Variants in BRD2 observed in about 807,000 individuals in gnomAD.
The protein encoded by BRD2 is bromodomain containing 2.
Under a neutral mutation model 79.1 loss-of-function variants are expected in BRD2, and 15 were observed. That is an observed-to-expected ratio of 0.19 (90% CI 0.13 to 0.29). The LOEUF (loss-of-function observed/expected upper bound fraction) is 0.29, where lower values mean the gene tolerates loss of function less well. BRD2 is among the 10% of genes least tolerant of loss of function. The pLI, the probability that BRD2 is intolerant of heterozygous loss-of-function variation, is 1.00. For missense variants in BRD2, 1,053 were observed against 991.3 expected (o/e 1.06, Z -0.84); for synonymous variants, 488 against 358.6 (o/e 1.36, Z -4.08).
In BRD2 at chr6:32,976,898, G is replaced by T. The variant is rs1261612736; in HGVS notation, c.1162G>T (p.Asp388Tyr). 8 of 1,612,788 alleles carry T rather than the reference G, an allele frequency of 5.0e-6. No individual in the cohort carries two copies. The highest frequency in any genetic ancestry group is 6.8e-6 in the Non-Finnish European group (8 of 1,179,926). The change falls in exon 7 of 13, where the codon GAC (aspartate) becomes TAC (tyrosine). Residue 388 changes from aspartate (D) to tyrosine (Y), a missense_variant. Physicochemically the swap from Asp to Tyr is radical, Grantham distance 160. This residue lies in a region of BRD2 where 454 missense variants were observed against 430.5 expected (regional missense o/e 1.05). Transcript: ENST00000374825. ...TGCACTTGGCCTGCATGACTACCATGACATCATTAAGCACCCCATGGACCT... is the reference window on the plus strand; with the variant it reads ...TGCACTTGGCCTGCATGACTACCATTACATCATTAAGCACCCCATGGACCT... ...ASALGLHDYH[D>Y]IIKHPMDLST...
At chr6:32,980,540 A>G in intron 12 of BRD2, 42 bp from the exon 13 acceptor site, 2 of 1,612,606 alleles carry the variant, frequency 1.2e-6, no homozygotes, top group South Asian at 1.1e-5. Context: ...ACAAATGAAG[A>G]TTCAGACTTG....
chr6:32,971,874 T>G lies in BRD2; in HGVS notation c.-1025T>G. The G allele has an allele frequency of 1.4e-6, 1 of 702,022 alleles. No homozygotes were observed. The highest frequency in any genetic ancestry group is 2.6e-6 in the Non-Finnish European group (1 of 384,576). 43.5% of individuals were successfully genotyped at this position (702,022 alleles called of 1,614,324 possible). The stretch of plus-strand genomic sequence containing the variant: ...TCCGCACCTCTTCCAACCACCCTCT[T>G]TCCCTGGAGTCGGCGGACCACAGCT... On this transcript the variant is annotated 5_prime_UTR_variant, in exon 2 of 13. Transcript: ENST00000374825.
Position 32,976,680 on chromosome 6 carries a change from CT to C in BRD2, c.945del (p.Met316CysfsTer35). 1 of 1,613,126 alleles carries C rather than the reference CT, an allele frequency of 6.2e-7. No individual in the cohort carries two copies. The highest frequency in any genetic ancestry group is 8.5e-7 in the Non-Finnish European group (1 of 1,180,036). On this transcript the variant is annotated frameshift_variant, in exon 7 of 13. Coordinates refer to ENST00000374825, the MANE Select transcript of BRD2 (RefSeq NM_005104.4). LOFTEE classifies it high-confidence loss of function. ...GAGCCTAAGGCAGCACGGCTTCCCC[CT>C]ATGCGTAGAGAGAGTGGTCGCCCCA... is the stretch of plus-strand genomic sequence containing the variant. ...SLEPKAARLP[P>X]MRRESGRPIK...
rs779706920 is a variant in BRD2, at chr6:32,976,641, C to T, written c.905C>T (p.Pro302Leu). The change falls in exon 7 of 13, where the codon CCT (proline) becomes CTT (leucine). Residue 302 changes from proline (P) to leucine (L), a missense_variant. Transcript: ENST00000374825. ...AILAPGSPAS[P>L]PGSLEPKAAR... ...TTGGCTCCTGGTTCTCCAGCTAGCC[C>T]TCCTGGGAGTCTTGAGCCTAAGGCA... 29 of 1,612,450 alleles carry T rather than the reference C, an allele frequency of 1.8e-5. No individual in the cohort carries two copies. Among genetic ancestry groups the T allele is most frequent in the Non-Finnish European group, 2.3e-5 (27 of 1,179,992 alleles).
Position 32,980,477 on chromosome 6 carries a change from T to C in BRD2, c.2269+13T>C. ...CCCCCCAAGAAAGGTGAGTATATACTTTCATGCCACTACAGATTGACTCCA... is the reference window on the plus strand; with the variant it reads ...CCCCCCAAGAAAGGTGAGTATATACCTTCATGCCACTACAGATTGACTCCA... On this transcript the variant is annotated intron_variant, in intron 12 of 12. Transcript: ENST00000374825. 1.2e-6 allele frequency: 2 copies of C among 1,612,980 alleles called. No homozygotes were observed. The highest frequency in any genetic ancestry group is 1.7e-6 in the Non-Finnish European group (2 of 1,179,984).
In BRD2 at chr6:32,980,676, CTCGTCG is replaced by C; in HGVS notation, c.2370_2375del (p.Ser792_Ser793del). The C allele has an allele frequency of 1.2e-6, 2 of 1,613,142 alleles. No individual in the cohort carries two copies. Among genetic ancestry groups the C allele is most frequent in the Non-Finnish European group, 8.5e-7 (1 of 1,180,038 alleles). ...GCTCAGATTCCAGCTCCTCCTCTTC[CTCGTCG>C]TCGTCTTCAGACACCAGTGATTCAG... is the stretch of plus-strand genomic sequence containing the variant. On this transcript the variant is annotated inframe_deletion, in exon 13 of 13. Coordinates refer to ENST00000374825, the MANE Select transcript of BRD2 (RefSeq NM_005104.4).
At chr6:32,977,669 C>T in intron 8 of BRD2, 88 bp from the exon 9 acceptor site, 3 of 1,602,754 alleles carry the variant, frequency 1.9e-6, no homozygotes, top group Non-Finnish European at 2.6e-6. Flanking sequence ...CTGTTCTGTA[C>T]AGTTGTAAAT....
At position 32,972,656 on chromosome 6, in the gene BRD2, C is replaced by G. The variant is rs941116998; in HGVS notation, c.-243C>G. On this transcript the variant is annotated 5_prime_UTR_variant, in exon 2 of 13. Coordinates refer to ENST00000374825, the MANE Select transcript of BRD2 (RefSeq NM_005104.4). The stretch of plus-strand genomic sequence containing the variant: ...GTCCCTCCTTAGTTGCCCGCCTCAG[C>G]TGAGGCCGCCGCCATTTTCTTGCTG... The G allele has an allele frequency of 9.8e-6, 6 of 611,184 alleles. No individual in the cohort carries two copies. Among genetic ancestry groups the G allele is most frequent in the Admixed American group, 2.9e-5 (1 of 33,970 alleles). 37.9% of individuals were successfully genotyped at this position (611,184 alleles called of 1,614,324 possible). A position where few individuals can be genotyped will look rare whatever the true frequency, so the allele number is the denominator to read the frequency against.
In BRD2 at chr6:32,972,231, A is replaced by G. The variant is rs1234335989; in HGVS notation, c.-668A>G. 10 of 492,710 alleles carry G rather than the reference A, an allele frequency of 2.0e-5. No homozygotes were observed. The highest frequency in any genetic ancestry group is 4.0e-5 in the East Asian group (1 of 25,106). 30.5% of individuals were successfully genotyped at this position (492,710 alleles called of 1,614,324 possible). On this transcript the variant is annotated 5_prime_UTR_variant, in exon 2 of 13. Transcript: ENST00000374825. ...GTGCTGGAGTGGAGCAGCCTCTAGA[A>G]CGAGCTGGAGGATTCTGCCTACCGA...
At chr6:32,978,059 C>T (rs529291498) in intron 9 of BRD2, 54 bp downstream of exon 9, 14 of 1,591,064 alleles carry the variant, frequency 8.8e-6, no homozygotes, top group South Asian at 3.4e-5. Flanking sequence ...TGCCCTTTGT[C>T]CTCATTTTTT....
intron 10 of BRD2, chr6:32,979,105 G>C (rs1779188233): frequency 6.8e-6 from 1 of 148,120 alleles, no homozygotes; most frequent in African/African-American, 2.5e-5. Flanking sequence ...AGGCTGGAGT[G>C]CAGTGGCGTG....
rs779321318 is a variant in BRD2, at chr6:32,974,790, G to A, written c.333+25G>A. ...GGTGAGTAGAGACATTGGAGCCGGGGAGGTGTGGGATGAGCAAGAATGCGT... is the reference window on the plus strand; with the variant it reads ...GGTGAGTAGAGACATTGGAGCCGGGAAGGTGTGGGATGAGCAAGAATGCGT... On this transcript the variant is annotated intron_variant, in intron 3 of 12. Transcript: ENST00000374825. The A allele has an allele frequency of 2.5e-5, 40 of 1,606,026 alleles. No homozygotes were observed. The Admixed American group carries it at 6.7e-4, about 27-fold the overall frequency.
intron 2 of BRD2, among the ~76,000 whole-genome samples, chr6:32,973,706 T>C (rs1778339338): frequency 6.6e-6 from 1 of 152,066 alleles, no homozygotes; most frequent in Admixed American, 6.5e-5. Context: ...AATCGTGTTG[T>C]GTAGTGGGTG....
rs780995194 is a variant in BRD2 at position 32,976,113 on chromosome 6, A to G, written c.554A>G (p.Gln185Arg). The G allele has an allele frequency of 1.9e-6, 3 of 1,613,034 alleles. No homozygotes were observed. Residue 185 changes from glutamine to arginine, a missense_variant, in exon 5 of 13, where the codon CAA becomes CGA. Gln to Arg is a conservative substitution (Grantham distance 43, BLOSUM62 1). Transcript: ENST00000374825. Reference sequence around the variant, plus strand: ...GTTGCATCAATGCCACAAGAAGAACAAGAGCTGGTAGTGACCATCCCTAAG... The same window carrying G: ...GTTGCATCAATGCCACAAGAAGAACGAGAGCTGGTAGTGACCATCCCTAAG... ...QKVASMPQEE[Q>R]ELVVTIPKNS...
chr6:32,980,504 C>T (rs556353357), intron 12 of BRD2, 40 bp downstream of exon 12: 3 of 1,612,524 alleles, frequency 1.9e-6, no homozygotes, highest in Admixed American at 3.3e-5. Flanking sequence ...TTGACTCCAT[C>T]CTGCCTTCTT....
intron 2 of BRD2, 116 bp downstream of exon 2, chr6:32,973,043 C>G: frequency 6.2e-7 from 1 of 1,609,254 alleles, no homozygotes; most frequent in Non-Finnish European, 8.5e-7. Flanking sequence ...TGCGGCGCAG[C>G]TGTCGACTCG....
Position 32,976,380 on chromosome 6 carries a change from C to G in BRD2, c.741C>G (p.Ser247=). Residue 247 remains serine (S), a synonymous_variant, in exon 6 of 13, where the codon TCC becomes TCG. Transcript: ENST00000374825. ...VLNIPHPSVI[S]SPLLKSLHSA... Reference sequence around the variant, plus strand: ...ACATTCCCCACCCATCAGTCATTTCCTCTCCACTTCTCAAGTCCTTGCACT... The same window carrying G: ...ACATTCCCCACCCATCAGTCATTTCGTCTCCACTTCTCAAGTCCTTGCACT... 1 of 1,613,036 alleles carries G rather than the reference C, an allele frequency of 6.2e-7. No homozygotes were observed. The highest frequency in any genetic ancestry group is 8.5e-7 in the Non-Finnish European group (1 of 1,180,046).
chr6:32,972,054 C>G lies in BRD2; in HGVS notation c.-845C>G, dbSNP rs752586950. ...AGCTCCCGCGGAGAGGTGTTCCTTC[C>G]CCTTCGACTCAGCTTCTTCACCCGC... On this transcript the variant is annotated 5_prime_UTR_variant, in exon 2 of 13. Coordinates refer to ENST00000374825, the MANE Select transcript of BRD2 (RefSeq NM_005104.4). 4.3e-6 allele frequency: 3 copies of G among 700,478 alleles called. No homozygotes were observed. Among genetic ancestry groups the G allele is most frequent in the African/African-American group, 3.5e-5 (2 of 57,228 alleles). 43.4% of individuals were successfully genotyped at this position (700,478 alleles called of 1,614,324 possible). A position where few individuals can be genotyped will look rare whatever the true frequency, so the allele number is the denominator to read the frequency against.
Position 32,976,288 on chromosome 6 carries a change from G to C in BRD2, c.649G>C (p.Ala217Pro), listed in dbSNP as rs2127515541. ...TGTTACCAGTGCCCATCAGGTGCCT[G>C]CCGTCTCTTCTGTGTCACACACAGC... ...GSVTSAHQVPAVSSVSHTALY... is the reference protein window; with the variant it reads ...GSVTSAHQVPPVSSVSHTALY... The change falls in exon 6 of 13, where the codon GCC becomes CCC. Residue 217 changes from alanine (A) to proline (P), a missense_variant. Coordinates refer to ENST00000374825, the MANE Select transcript of BRD2 (RefSeq NM_005104.4). The C allele has an allele frequency of 6.2e-7, 1 of 1,613,028 alleles. No homozygotes were observed. Among genetic ancestry groups the C allele is most frequent in the Non-Finnish European group, 8.5e-7 (1 of 1,180,020 alleles).
Sources: allele counts gnomAD v4.1 joint callset (sites outside exome capture counted in the v4.1 genomes callset), GRCh38; gene constraint gnomAD v4.1.1; regional missense constraint gnomAD v4.1.1; transcripts MANE v1.5; gene names NCBI Gene and HGNC (gene_info 2026-07-23, HGNC 2026-07-21).